GPR173: variants seen among roughly 807,000 people sequenced by gnomAD.
GPR173 encodes G protein-coupled receptor 173.
Under a neutral mutation model 13.9 loss-of-function variants are expected in GPR173, and 2 were observed. That is an observed-to-expected ratio of 0.14 (90% CI 0.06 to 0.45). The LOEUF is 0.45. Among genes scored for constraint, GPR173 ranks in the 20% least tolerant of loss-of-function variants. The pLI is 0.98. For synonymous variants in GPR173, 131 were observed against 141.0 expected, an observed-to-expected ratio of 0.93 and a Z score of 0.50; for missense variants, 202 against 340.5, an observed-to-expected ratio of 0.59 and a Z score of 3.20.
chrX:53,059,281 A>C (rs781955830), intron 1 of GPR173, among the ~76,000 whole-genome samples: 39 of 106,916 alleles, frequency 3.6e-4, no homozygotes, highest in African/African-American at 1.2e-3. Flanking sequence ...ATAAAATAAA[A>C]ATAAAACTCT....
At chrX:53,069,341 A>G (rs782021583) in intron 1 of GPR173, among the ~76,000 whole-genome samples, 7 of 111,277 alleles carry the variant, frequency 6.3e-5, no homozygotes, top group Non-Finnish European at 1.3e-4. Context: ...CCAAACTCCA[A>G]AACCTCACTG....
intron 1 of GPR173, among the ~76,000 whole-genome samples, chrX:53,070,284 G>A (rs1275943417): frequency 1.2e-4 from 13 of 110,769 alleles, no homozygotes; most frequent in African/African-American, 4.3e-4. Context: ...TTGAGATCTC[G>A]TTCATCCATG....
At chrX:53,067,635 C>T (rs1475041759) in intron 1 of GPR173, among the ~76,000 whole-genome samples, 1 of 110,969 alleles carries the variant, frequency 9.0e-6, no homozygotes, top group Non-Finnish European at 1.9e-5. Context: ...ACCATCCTGG[C>T]TAACACAGTG....
intron 1 of GPR173, among the ~76,000 whole-genome samples, chrX:53,060,942 AGAGGAGGAT>A (rs1556803728): frequency 1.3e-5 from 1 of 78,156 alleles, no homozygotes; most frequent in Admixed American, 1.5e-4. Context: ...AGACACTTCC[AGAGGAGGAT>A]GGTGACATTT....
chrX:53,071,009 C>G (rs1932250121), intron 1 of GPR173: 2 of 106,523 alleles, frequency 1.9e-5, no homozygotes, highest in Non-Finnish European at 3.8e-5. Context: ...CTCTTGTTGT[C>G]CAGGCTGGAG....
intron 1 of GPR173, among the ~76,000 whole-genome samples, chrX:53,073,353 C>A (rs781975556): frequency 1.8e-5 from 2 of 110,827 alleles, no homozygotes; most frequent in Middle Eastern, 4.7e-3. Context: ...AGTTCCACCC[C>A]CTAATCCCAG....
chrX:53,058,725 G>A (rs1932075857), intron 1 of GPR173, among the ~76,000 whole-genome samples: 1 of 110,985 alleles, frequency 9.0e-6, no homozygotes, highest in South Asian at 3.7e-4. Flanking sequence ...CAGTGGGGTG[G>A]GGCACGGGAG....
intron 1 of GPR173, among the ~76,000 whole-genome samples, chrX:53,066,762 T>C (rs1300827886): frequency 9.0e-6 from 1 of 111,167 alleles, no homozygotes; most frequent in Non-Finnish European, 1.9e-5. Flanking sequence ...ACCAAATCTC[T>C]ACACATTTGG....
rs1556806449 is a variant in GPR173, at chrX:53,080,013, G to A, written c.*2270G>A. The A allele has an allele frequency of 8.2e-6, 1 of 122,679 alleles. No homozygotes were observed. Among genetic ancestry groups the A allele is most frequent in the Non-Finnish European group, 1.9e-5 (1 of 53,077 alleles). 10.1% of individuals were successfully genotyped at this position (122,679 alleles called of 1,213,427 possible). A position where few individuals can be genotyped will look rare whatever the true frequency, so the allele number is the denominator to read the frequency against. ...AAGCCTGTAGCCCCATCTCAACCCCGTCTCAGTCTCCTTCCCAAACTCAAA... is the reference window on the plus strand; with the variant it reads ...AAGCCTGTAGCCCCATCTCAACCCCATCTCAGTCTCCTTCCCAAACTCAAA... On this transcript the variant is annotated 3_prime_UTR_variant, in exon 2 of 2. Coordinates refer to ENST00000332582, the MANE Select transcript of GPR173 (RefSeq NM_018969.6).
chrX:53,076,410 C>T (rs782359075), intron 1 of GPR173, 115 bp from the exon 2 acceptor site: 30 of 368,144 alleles, frequency 8.1e-5, no homozygotes, highest in African/African-American at 6.7e-4. Flanking sequence ...TGTCTCTGCA[C>T]GCCTGTTGTG....
chrX:53,054,920 AG>A (rs1228286076), intron 1 of GPR173, among the ~76,000 whole-genome samples: 1 of 108,886 alleles, frequency 9.2e-6, no homozygotes, highest in Non-Finnish European at 1.9e-5. Context: ...AAGTGTATCT[AG>A]GCAATGGAAG....
intron 1 of GPR173, among the ~76,000 whole-genome samples, chrX:53,057,682 A>T (rs1414856790): frequency 9.1e-6 from 1 of 110,005 alleles, no homozygotes. Context: ...TGAACCCGGG[A>T]GGTGGAGGTT....
At chrX:53,076,278 C>T (rs1180744403) in intron 1 of GPR173, among the ~76,000 whole-genome samples, 1 of 110,228 alleles carries the variant, frequency 9.1e-6, no homozygotes, top group Non-Finnish European at 1.9e-5. Flanking sequence ...CTCTCTCTCC[C>T]CTCTTTCTCT....
intron 1 of GPR173, among the ~76,000 whole-genome samples, chrX:53,050,148 C>T (rs782494028): frequency 1.8e-5 from 2 of 111,228 alleles, no homozygotes; most frequent in East Asian, 2.8e-4. Flanking sequence ...AAGATGTTGC[C>T]GATTCCCAGC....
Position 53,061,593 on chromosome X carries a change from G to A in GPR173, c.-98+12109G>A, listed in dbSNP as rs1932126399. On this transcript the variant is annotated intron_variant, in intron 1 of 1. Transcript: ENST00000332582. ...AAACTGAAGAGGGTTAGGGGTACTA[G>A]AGTTGAGTGAAAAGGAATTTCTTAC... Among the ~76,000 whole-genome samples, 3 of 111,750 alleles carry A rather than the reference G, an allele frequency of 2.7e-5. No individual in the cohort carries two copies. In the South Asian group the frequency reaches 1.1e-3, roughly 42 times the overall value.
intron 1 of GPR173, among the ~76,000 whole-genome samples, chrX:53,060,580 CAAAAAAA>C: frequency 1.6e-5 from 1 of 61,564 alleles, no homozygotes; most frequent in Admixed American, 2.1e-4. Context: ...GACTCCGTCT[CAAAAAAA>C]AAAAAAAAAG....
At chrX:53,053,181 T>A (rs12392162) in intron 1 of GPR173, among the ~76,000 whole-genome samples, 35,128 of 112,000 alleles carry the variant, frequency 0.31, 5,400 homozygotes, top group African/African-American at 0.62. Flanking sequence ...CATGTGAACA[T>A]GCCCAGTTGT....
At chrX:53,069,432 G>C (rs1377518020) in intron 1 of GPR173, among the ~76,000 whole-genome samples, 2 of 112,114 alleles carry the variant, frequency 1.8e-5, no homozygotes, top group African/African-American at 6.5e-5. Flanking sequence ...ACCTCTCTTT[G>C]CACATGGTTG....
chrX:53,050,576 G>A (rs1931944533), intron 1 of GPR173, among the ~76,000 whole-genome samples: 1 of 112,432 alleles, frequency 8.9e-6, no homozygotes, highest in African/African-American at 3.2e-5. Flanking sequence ...TTCCCTGATG[G>A]GTGTGTGTAG....
Sources: allele counts gnomAD v4.1 joint callset (sites outside exome capture counted in the v4.1 genomes callset), GRCh38; gene constraint gnomAD v4.1.1; transcripts MANE v1.5; gene names NCBI Gene and HGNC (gene_info 2026-07-23, HGNC 2026-07-21).